Variants in PNPLA8 observed in about 807,000 individuals in gnomAD.
PNPLA8 encodes patatin like domain 8, phospholipase A2.
In PNPLA8, 39 loss-of-function variants were observed where a neutral mutation model predicts 76.9. The ratio of observed to expected loss-of-function variants is 0.51; its 90% CI spans 0.39 to 0.66. The LOEUF (loss-of-function observed/expected upper bound fraction) is 0.66. Ranked by LOEUF, PNPLA8 falls within the 30% of genes least tolerant of loss-of-function variation. The pLI is 0.00. For missense variants in PNPLA8, 887 were observed against 918.0 expected (o/e 0.97, Z 0.44); for synonymous variants, 301 against 307.9 (o/e 0.98, Z 0.24).
At chr7:108,489,073 G>C (rs766787569) in intron 8 of PNPLA8, among the ~76,000 whole-genome samples, 1 of 152,190 alleles carries the variant, frequency 6.6e-6, no homozygotes, top group Non-Finnish European at 1.5e-5. Flanking sequence ...AAACATATGA[G>C]TGGCTCTCCA....
intron 4 of PNPLA8, among the ~76,000 whole-genome samples, chr7:108,509,798 C>G (rs1195004390): frequency 2.5e-4 from 36 of 145,840 alleles, no homozygotes; most frequent in Admixed American, 4.8e-4. Flanking sequence ...CAATGATAGA[C>G]TGGATTAAGA....
At chr7:108,502,906 A>G (rs1435412785) in intron 4 of PNPLA8, 2 of 241,976 alleles carry the variant, frequency 8.3e-6, no homozygotes, top group Non-Finnish European at 1.6e-5. Context: ...TAGAGAAAAT[A>G]TAATTTATAG....
Position 108,515,452 on chromosome 7 carries a change from G to A in PNPLA8, c.40C>T (p.Leu14Phe). 1 of 1,585,948 alleles carries A rather than the reference G, an allele frequency of 6.3e-7. No individual in the cohort carries two copies. Among genetic ancestry groups the A allele is most frequent in the Non-Finnish European group, 8.6e-7 (1 of 1,167,668 alleles). ...NLTVDIYIYL[L>F]SNARSVCGKQ... ...CCACAAACACTTCTTGCATTACTAA[G>A]GAGGTAAATATATATATCTACAGTC... The change falls in exon 3 of 11, where the codon CTT becomes TTT. Residue 14 changes from leucine (L) to phenylalanine (F), a missense_variant. Leu to Phe is a conservative substitution (Grantham distance 22). Coordinates refer to ENST00000257694, the MANE Select transcript of PNPLA8 (RefSeq NM_001256007.3).
At chr7:108,475,970 A>G (rs9641411) in intron 10 of PNPLA8, among the ~76,000 whole-genome samples, 20,051 of 152,168 alleles carry the variant, frequency 0.13, 1,361 homozygotes, top group African/African-American at 0.15. Flanking sequence ...TCCAAATCCT[A>G]TACATCCTTT....
At chr7:108,473,365 C>T (rs1174763215) in intron 10 of PNPLA8, among the ~76,000 whole-genome samples, 1 of 152,040 alleles carries the variant, frequency 6.6e-6, no homozygotes, top group Non-Finnish European at 1.5e-5. Flanking sequence ...AGAAATAACC[C>T]GATTATAAAC....
At chr7:108,485,797 C>T (rs1343922391) in intron 9 of PNPLA8, among the ~76,000 whole-genome samples, 4 of 151,968 alleles carry the variant, frequency 2.6e-5, no homozygotes, top group Non-Finnish European at 5.9e-5. Flanking sequence ...AAAATATTTC[C>T]TTAAGTAGGT....
At chr7:108,490,783 C>CAA (rs775029071) in intron 8 of PNPLA8, among the ~76,000 whole-genome samples, 8 of 86,936 alleles carry the variant, frequency 9.2e-5, no homozygotes, top group African/African-American at 1.3e-4. Context: ...GACTCCGTCT[C>CAA]AAAAAAAAAA....
chr7:108,524,910 C>T (rs941654649), intron 1 of PNPLA8, among the ~76,000 whole-genome samples: 1 of 152,104 alleles, frequency 6.6e-6, no homozygotes, highest in African/African-American at 2.4e-5. Context: ...GCAGCTTCAG[C>T]ACAACCCCTC....
chr7:108,507,555 G>A (rs547226209), intron 4 of PNPLA8, among the ~76,000 whole-genome samples: 3 of 152,044 alleles, frequency 2.0e-5, no homozygotes, highest in South Asian at 2.1e-4. Flanking sequence ...TCAGGAGGCT[G>A]AGCTGGGCTG....
chr7:108,496,349 T>C lies in PNPLA8; in HGVS notation c.1625+235A>G, dbSNP rs74677391. On this transcript the variant is annotated intron_variant, in intron 7 of 10. Transcript: ENST00000257694. ...TATCTCATATTTTTAAAAAAGGCAA[T>C]TGCAACTTTTACATGCAAATCTCAC... 1,330 of 332,416 alleles carry C rather than the reference T, an allele frequency of 4.0e-3. 15 individuals are homozygous for C. Among genetic ancestry groups the C allele is most frequent in the African/African-American group, 0.026 (1,203 of 46,752 alleles). The allele number at this position is 332,416 out of a possible 1,614,324, so 20.6% of individuals were successfully genotyped here.
At chr7:108,493,568 C>CTTTTTTTTTTTTTTTT (rs34935118) in intron 7 of PNPLA8, among the ~76,000 whole-genome samples, 24 of 81,214 alleles carry the variant, frequency 3.0e-4, no homozygotes, top group East Asian at 7.8e-4. Flanking sequence ...CCATGCCTGG[C>CTTTTTTTTTTTTTTTT]TTTTTTTTTT....
At chr7:108,517,032 G>A (rs1486534320) in intron 2 of PNPLA8, among the ~76,000 whole-genome samples, 2 of 152,120 alleles carry the variant, frequency 1.3e-5, no homozygotes, top group Admixed American at 6.5e-5. Flanking sequence ...GCTGTCATCC[G>A]TAATATCCAA....
At chr7:108,515,911 T>C (rs1598966922) in intron 2 of PNPLA8, among the ~76,000 whole-genome samples, 1 of 152,136 alleles carries the variant, frequency 6.6e-6, no homozygotes, top group African/African-American at 2.4e-5. Context: ...CATTGTTAAA[T>C]TCTGGACTAC....
intron 8 of PNPLA8, among the ~76,000 whole-genome samples, chr7:108,489,362 C>T (rs1055586256): frequency 1.3e-5 from 2 of 152,188 alleles, no homozygotes; most frequent in Admixed American, 1.3e-4. Context: ...TCTTTAAGAA[C>T]TCTATCATTT....
chr7:108,486,382 T>C (rs996737216), intron 9 of PNPLA8, among the ~76,000 whole-genome samples: 5 of 152,092 alleles, frequency 3.3e-5, no homozygotes, highest in Non-Finnish European at 7.4e-5. Context: ...TTGTTAAAAA[T>C]AGTAAGCCAC....
rs181021302 is a variant in PNPLA8, at chr7:108,474,950, G to A, written c.2075-2275C>T. 6.6e-5 allele frequency among the ~76,000 whole-genome samples: 10 copies of A among 152,288 alleles called. No homozygotes were observed. In the East Asian group the frequency reaches 1.9e-3, roughly 29 times the overall value. ...CCATGGGCTGCACAGCAGGGGGTGA[G>A]TGGCAGGGCCAGTAAGCAAAGCTTC... On this transcript the variant is annotated intron_variant, in intron 10 of 10. Coordinates refer to ENST00000257694, the MANE Select transcript of PNPLA8 (RefSeq NM_001256007.3).
chr7:108,493,551 C>G (rs912506103), intron 7 of PNPLA8, among the ~76,000 whole-genome samples: 1 of 149,552 alleles, frequency 6.7e-6, no homozygotes, highest in Non-Finnish European at 1.5e-5. Flanking sequence ...ACTACAGGCG[C>G]CCGCCCCCAT....
intron 8 of PNPLA8, among the ~76,000 whole-genome samples, chr7:108,490,461 A>C (rs1419014112): frequency 3.3e-5 from 5 of 152,238 alleles, no homozygotes; most frequent in African/African-American, 1.2e-4. Context: ...ATTGTATCTA[A>C]GAGGCATATA....
In PNPLA8 at chr7:108,470,564, CATAA is replaced by C. The variant is rs1287049726; in HGVS notation, c.*1833_*1836del. 1 of 152,014 alleles carries C rather than the reference CATAA, an allele frequency of 6.6e-6. No individual in the cohort carries two copies. The highest frequency in any genetic ancestry group is 1.5e-5 in the Non-Finnish European group (1 of 68,006). The allele number at this position is 152,014 out of a possible 1,614,324, so 9.4% of individuals were successfully genotyped here. ...GATGAGGTGCAAATATGTAAATATG[CATAA>C]ATATTACTTTATTGTGCTTGAAATT... On this transcript the variant is annotated 3_prime_UTR_variant, in exon 11 of 11. Coordinates refer to ENST00000257694, the MANE Select transcript of PNPLA8 (RefSeq NM_001256007.3).
Sources: allele counts gnomAD v4.1 joint callset (sites outside exome capture counted in the v4.1 genomes callset), GRCh38; gene constraint gnomAD v4.1.1; transcripts MANE v1.5; gene names NCBI Gene and HGNC (gene_info 2026-07-23, HGNC 2026-07-21).